EPM2A: variants seen among roughly 807,000 people sequenced by gnomAD.
EPM2A encodes the protein laforin.
Under a neutral mutation model 26.5 loss-of-function variants are expected in EPM2A, and 21 were observed. That is an observed-to-expected ratio of 0.79 (90% CI 0.56 to 1.14). The LOEUF is 1.14. Among genes scored for constraint, EPM2A ranks in the 50% most tolerant of loss-of-function variants. EPM2A has a pLI of 0.00. For synonymous variants in EPM2A, 217 were observed against 177.6 expected, an observed-to-expected ratio of 1.22 and a Z score of -1.76; for missense variants, 458 against 440.8, an observed-to-expected ratio of 1.04 and a Z score of -0.35.
At chr6:145,724,359 C>T (rs1360900017) in intron 1 of EPM2A, among the ~76,000 whole-genome samples, 1 of 151,820 alleles carries the variant, frequency 6.6e-6, no homozygotes, top group Non-Finnish European at 1.5e-5. Context: ...TACCAAAAAC[C>T]CTTATGTATA....
intron 2 of EPM2A, among the ~76,000 whole-genome samples, chr6:145,517,196 GAAATGGGGAGTTGTTTT>G (rs1200076266): frequency 1.3e-5 from 2 of 152,124 alleles, no homozygotes; most frequent in Non-Finnish European, 2.9e-5. Flanking sequence ...AGGGGAGGGA[GAAATGGGGAGTTGTTTT>G]TCAACATGTA....
chr6:145,725,131 A>C (rs768348253), intron 1 of EPM2A, among the ~76,000 whole-genome samples: 1 of 133,074 alleles, frequency 7.5e-6, no homozygotes, highest in Admixed American at 8.5e-5. Flanking sequence ...TCATGAATTT[A>C]AAAATGAAAA....
intron 2 of EPM2A, among the ~76,000 whole-genome samples, chr6:145,611,514 G>A (rs989166047): frequency 1.3e-5 from 2 of 151,824 alleles, no homozygotes; most frequent in African/African-American, 4.8e-5. Context: ...AATATTTTAA[G>A]TAATGGGCCA....
intron 4 of EPM2A, chr6:145,490,957 G>A: frequency 1.2e-6 from 1 of 842,510 alleles, no homozygotes; most frequent in Non-Finnish European, 1.9e-6. Flanking sequence ...ATGCTTGGCA[G>A]AATCCACTTC....
At chr6:145,515,726 C>T (rs977605299) in intron 2 of EPM2A, among the ~76,000 whole-genome samples, 5 of 152,156 alleles carry the variant, frequency 3.3e-5, no homozygotes, top group African/African-American at 7.2e-5. Context: ...GGGACATAAA[C>T]ATTCAAACCA....
chr6:145,687,552 T>G (rs1367594235), intron 1 of EPM2A, among the ~76,000 whole-genome samples: 1 of 152,174 alleles, frequency 6.6e-6, no homozygotes, highest in Non-Finnish European at 1.5e-5. Flanking sequence ...CTAAGTATAA[T>G]GTACTGTAAG....
intron 1 of EPM2A, among the ~76,000 whole-genome samples, chr6:145,720,217 C>T (rs765100254): frequency 1.3e-5 from 2 of 152,132 alleles, no homozygotes; most frequent in Non-Finnish European, 2.9e-5. Context: ...GCATACATAG[C>T]TCTGGAGTAA....
intron 2 of EPM2A, among the ~76,000 whole-genome samples, chr6:145,556,571 T>C (rs553280139): frequency 1.4e-3 from 213 of 152,226 alleles, no homozygotes; most frequent in African/African-American, 4.2e-3. Flanking sequence ...AAAGTAATAC[T>C]GTACAGGGAA....
chr6:145,550,775 T>C (rs1427478129), intron 2 of EPM2A, among the ~76,000 whole-genome samples: 1 of 152,054 alleles, frequency 6.6e-6, no homozygotes, highest in Admixed American at 6.6e-5. Flanking sequence ...TTTCATATGG[T>C]TTTCTTAATA....
chr6:145,657,800 A>T (rs1582984845), intron 2 of EPM2A, among the ~76,000 whole-genome samples: 1 of 152,214 alleles, frequency 6.6e-6, no homozygotes, highest in Non-Finnish European at 1.5e-5. Flanking sequence ...TAATCAAAAA[A>T]TTATCATTTC....
intron 2 of EPM2A, among the ~76,000 whole-genome samples, chr6:145,516,766 T>C (rs1352551766): frequency 6.6e-6 from 1 of 152,138 alleles, no homozygotes; most frequent in Non-Finnish European, 1.5e-5. Context: ...AAAAGGATTG[T>C]CTCAATGGAA....
At chr6:145,393,829 C>CT (rs1282770683) in intron 4 of EPM2A, among the ~76,000 whole-genome samples, 936 of 45,458 alleles carry the variant, frequency 0.021, 8 homozygotes, top group African/African-American at 0.056. Context: ...ATTTTTTTTT[C>CT]TTTTTTTTTT....
At chr6:145,387,987 G>A (rs1031395182) in intron 4 of EPM2A, among the ~76,000 whole-genome samples, 1 of 152,048 alleles carries the variant, frequency 6.6e-6, no homozygotes, top group African/African-American at 2.4e-5. Context: ...ATTCATTTGG[G>A]TGTTAACCAC....
At position 145,670,985 on chromosome 6, in the gene EPM2A, T is replaced by C. The variant is rs548554703; in HGVS notation, c.476+15137A>G. The C allele has an allele frequency of 3.1e-6, 3 of 983,526 alleles. No individual in the cohort carries two copies. The East Asian group carries it at 3.4e-4, about 112-fold the overall frequency. The allele number at this position is 983,526 out of a possible 1,614,324, so 60.9% of individuals were successfully genotyped here. A position where few individuals can be genotyped will look rare whatever the true frequency, so the allele number is the denominator to read the frequency against. On this transcript the variant is annotated intron_variant, in intron 2 of 3. Transcript: ENST00000367519. ...CTGATATGAACAATTGTAATCTTGG[T>C]CTTAAGATTTAAAAGAATCTCAAAT...
At chr6:145,400,830 G>A (rs1182423102) in intron 4 of EPM2A, among the ~76,000 whole-genome samples, 2 of 151,834 alleles carry the variant, frequency 1.3e-5, no homozygotes, top group Admixed American at 1.3e-4. Flanking sequence ...CCTTCAAAGC[G>A]CTTAATTTTT....
chr6:145,409,396 A>C (rs1349059535), intron 4 of EPM2A, among the ~76,000 whole-genome samples: 1 of 152,200 alleles, frequency 6.6e-6, no homozygotes, highest in Non-Finnish European at 1.5e-5. Flanking sequence ...GTTCATGTAT[A>C]TATAAAGCAT....
chr6:145,520,176 T>C (rs771360535), intron 2 of EPM2A, among the ~76,000 whole-genome samples: 1 of 152,162 alleles, frequency 6.6e-6, no homozygotes, highest in Non-Finnish European at 1.5e-5. Flanking sequence ...CCAATTATGT[T>C]TTCCTACTTC....
chr6:145,717,694 G>A (rs1263818953), intron 1 of EPM2A, among the ~76,000 whole-genome samples: 2 of 150,326 alleles, frequency 1.3e-5, no homozygotes, highest in Admixed American at 6.6e-5. Context: ...GTTTGCAGAC[G>A]ACATGATTGT....
At chr6:145,412,193 G>A in intron 4 of EPM2A, among the ~76,000 whole-genome samples, 1 of 148,068 alleles carries the variant, frequency 6.8e-6, no homozygotes, top group African/African-American at 2.5e-5. Flanking sequence ...CTCTAGCCTG[G>A]GCGACACTGA....
Sources: gnomAD v4.1 joint callset for allele counts (sites outside exome capture counted in the v4.1 genomes callset) on GRCh38, gnomAD v4.1.1 for gene constraint, MANE v1.5 for transcripts, NCBI Gene and HGNC (gene_info 2026-07-23, HGNC 2026-07-21) for gene names.